Variants in DHRS3 observed in about 807,000 individuals in gnomAD.
The protein encoded by DHRS3 is dehydrogenase/reductase 3.
DHRS3 carries 14 observed loss-of-function variants against 27.2 expected under a neutral mutation model. The ratio of observed to expected loss-of-function variants is 0.52; its 90% CI spans 0.34 to 0.81. DHRS3 has a LOEUF of 0.81. DHRS3 is among the 30% of genes least tolerant of loss of function. The pLI is 0.01. For missense variants in DHRS3, 322 were observed against 406.2 expected (o/e 0.79, Z 1.78); for synonymous variants, 165 against 175.9 (o/e 0.94, Z 0.49).
intron 5 of DHRS3, among the ~76,000 whole-genome samples, chr1:12,570,986 C>T (rs1161403230): frequency 6.6e-6 from 1 of 152,250 alleles, no homozygotes; most frequent in Non-Finnish European, 1.5e-5. Flanking sequence ...CATGTCCCAG[C>T]AGCCAGGGCA....
chr1:12,606,789 C>T (rs2100718101), intron 1 of DHRS3, among the ~76,000 whole-genome samples: 1 of 152,182 alleles, frequency 6.6e-6, no homozygotes, highest in African/African-American at 2.4e-5. Flanking sequence ...GCCACCGTGC[C>T]CAGCTGCTTT....
chr1:12,617,111 G>C, intron 1 of DHRS3, 43 bp downstream of exon 1: 1 of 1,575,684 alleles, frequency 6.3e-7, no homozygotes, highest in Admixed American at 1.7e-5. Flanking sequence ...GCTTACCCCC[G>C]CCCCTGCGGC....
chr1:12,587,943 T>G (rs896328477), intron 1 of DHRS3, among the ~76,000 whole-genome samples: 7 of 152,246 alleles, frequency 4.6e-5, no homozygotes, highest in Non-Finnish European at 7.4e-5. Flanking sequence ...GTTGAGTGAG[T>G]GAGGGAGGGA....
chr1:12,572,914 C>T (rs1401259650), intron 4 of DHRS3, 61 bp from the exon 5 acceptor site: 31 of 1,499,852 alleles, frequency 2.1e-5, no homozygotes, highest in Non-Finnish European at 2.7e-5. Flanking sequence ...ATCTGGAAGT[C>T]TTTATGAGGC....
chr1:12,581,754 G>A (rs576460164), intron 1 of DHRS3, among the ~76,000 whole-genome samples: 2 of 152,284 alleles, frequency 1.3e-5, no homozygotes, highest in Admixed American at 6.5e-5. Flanking sequence ...GGATGACAGG[G>A]GGACCAAGAG....
At chr1:12,614,931 G>A (rs1336775702) in intron 1 of DHRS3, among the ~76,000 whole-genome samples, 1 of 151,978 alleles carries the variant, frequency 6.6e-6, no homozygotes, top group East Asian at 1.9e-4. Context: ...GGACCTCTCT[G>A]GTCTAGTACT....
chr1:12,612,571 G>C (rs1017233969), intron 1 of DHRS3, among the ~76,000 whole-genome samples: 1 of 152,138 alleles, frequency 6.6e-6, no homozygotes, highest in Non-Finnish European at 1.5e-5. Flanking sequence ...CCTTTCATGA[G>C]CACCTGCTAT....
intron 1 of DHRS3, chr1:12,595,925 C>T (rs1401362354): frequency 6.6e-6 from 1 of 152,214 alleles, no homozygotes; most frequent in Non-Finnish European, 1.5e-5. Context: ...GCCCCGGGAC[C>T]GTCCGCTCTT....
intron 4 of DHRS3, among the ~76,000 whole-genome samples, chr1:12,575,331 G>GA (rs377226207): frequency 1.5e-3 from 176 of 116,874 alleles, no homozygotes; most frequent in Non-Finnish European, 1.7e-3. Flanking sequence ...TGTATCAAAA[G>GA]AAAAAAAAAA....
intron 4 of DHRS3, 102 bp from the exon 5 acceptor site, chr1:12,572,955 CT>C (rs1394045647): frequency 7.1e-7 from 1 of 1,415,900 alleles, no homozygotes; most frequent in East Asian, 2.6e-5. Context: ...TTGGCTTTTC[CT>C]GTCTGAGAGA....
At chr1:12,612,176 G>T (rs1032396500) in intron 1 of DHRS3, among the ~76,000 whole-genome samples, 1 of 152,144 alleles carries the variant, frequency 6.6e-6, no homozygotes, top group African/African-American at 2.4e-5. Context: ...TAGCCTACCT[G>T]CCTGCTTTCA....
intron 1 of DHRS3, among the ~76,000 whole-genome samples, chr1:12,600,911 C>T (rs1411769140): frequency 1.3e-5 from 2 of 151,144 alleles, no homozygotes; most frequent in African/African-American, 4.9e-5. Flanking sequence ...GAACTACAAT[C>T]TCCTTGAAGG....
At position 12,590,529 on chromosome 1, in the gene DHRS3, C is replaced by T. The variant is rs541226438; in HGVS notation, c.196-9863G>A. ...TTCTCCATGTTGGCCAAGCTGGTCT[C>T]GAACTCCTGACCTCAGGTGATCCAC... On this transcript the variant is annotated intron_variant, in intron 1 of 5. Coordinates refer to ENST00000616661, the MANE Select transcript of DHRS3 (RefSeq NM_004753.7). Among the ~76,000 whole-genome samples, 44 of 152,126 alleles carry T rather than the reference C, an allele frequency of 2.9e-4. No homozygotes were observed. In the South Asian group the frequency reaches 6.9e-3, roughly 24 times the overall value.
rs553908098 is a variant in DHRS3 at position 12,574,998 on chromosome 1, AGTGGTTCTAG to A, written c.699-2155_699-2146del. ...ATGCAGCAGCACTTGTAAAGTGTCT[AGTGGTTCTAG>A]GTGGTTCTATGGCTGGAACATCGAA... On this transcript the variant is annotated intron_variant, in intron 4 of 5. Transcript: ENST00000616661. This position sits in a 1 kb window ranked among gnomAD's most constrained non-coding sequence, Gnocchi z 4.6. 5.1e-4 allele frequency among the ~76,000 whole-genome samples: 78 copies of A among 152,226 alleles called. No homozygotes were observed. Among genetic ancestry groups the A allele is most frequent in the African/African-American group, 1.8e-3 (76 of 41,530 alleles).
chr1:12,575,812 T>G (rs1455367252), intron 4 of DHRS3, among the ~76,000 whole-genome samples: 1 of 152,134 alleles, frequency 6.6e-6, no homozygotes, highest in Non-Finnish European at 1.5e-5. Context: ...GTTCAAGCGA[T>G]CCTCCTGCCT....
At chr1:12,600,296 C>T in intron 1 of DHRS3, 2 of 958,650 alleles carry the variant, frequency 2.1e-6, no homozygotes, top group Non-Finnish European at 2.5e-6. Flanking sequence ...AAAGCCAAGG[C>T]ATGGATCTGC....
intron 4 of DHRS3, among the ~76,000 whole-genome samples, chr1:12,573,483 T>G (rs1380713439): frequency 6.6e-6 from 1 of 152,268 alleles, no homozygotes; most frequent in East Asian, 1.9e-4. Flanking sequence ...TGGTCGGTCC[T>G]GCTCCCCTGC....
chr1:12,601,414 G>A (rs1182574204), intron 1 of DHRS3, among the ~76,000 whole-genome samples: 4 of 152,096 alleles, frequency 2.6e-5, no homozygotes, highest in African/African-American at 4.8e-5. Context: ...GTTACGTTAC[G>A]AGCAGCAGGG....
At chr1:12,604,204 C>G (rs6662695) in intron 1 of DHRS3, among the ~76,000 whole-genome samples, 2 of 152,020 alleles carry the variant, frequency 1.3e-5, no homozygotes, top group South Asian at 4.2e-4. Context: ...TCTAAGATTT[C>G]CCTTAATTTA....
Sources: gnomAD v4.1 joint callset for allele counts (sites outside exome capture counted in the v4.1 genomes callset) on GRCh38, gnomAD v4.1.1 for gene constraint, Gnocchi (gnomAD v3.1) non-coding constraint, MANE v1.5 for transcripts, NCBI Gene and HGNC (gene_info 2026-07-23, HGNC 2026-07-21) for gene names.